Variants in SAMD7 observed in about 807,000 individuals in gnomAD.
SAMD7 encodes sterile alpha motif domain-containing protein 7.
Under a neutral mutation model 36.7 loss-of-function variants are expected in SAMD7, and 34 were observed. That is an observed-to-expected ratio of 0.93 (90% CI 0.71 to 1.23). The LOEUF is 1.23. SAMD7 is among the 50% of genes most tolerant of loss of function. SAMD7 has a pLI of 0.00. For missense variants in SAMD7, 570 were observed against 546.6 expected (o/e 1.04, Z -0.43); for synonymous variants, 188 against 189.7 (o/e 0.99, Z 0.07).
Position 169,927,166 on chromosome 3 carries a change from C to G in SAMD7, c.904C>G (p.Arg302Gly). The change falls in exon 6 of 9, where the codon CGA (arginine) becomes GGA (glycine). Residue 302 changes from arginine to glycine, a missense_variant. By Grantham distance (125) the Arg-to-Gly change is moderately radical (BLOSUM62 -2). Transcript: ENST00000335556. The stretch of plus-strand genomic sequence containing the variant: ...GAATGGGGTTTGCCCTCCAGTTCCT[C>G]GACCATCTCTGCCAGGTGGGTGTCC... ...EKNGVCPPVP[R>G]PSLPGTHALV... 2 of 1,529,634 alleles carry G rather than the reference C, an allele frequency of 1.3e-6. No individual in the cohort carries two copies. The highest frequency in any genetic ancestry group is 1.7e-6 in the Non-Finnish European group (2 of 1,143,448). 94.8% of individuals were successfully genotyped at this position (1,529,634 alleles called of 1,614,324 possible).
Position 169,920,795 on chromosome 3 carries a change from G to A in SAMD7, c.87-419G>A, listed in dbSNP as rs138388269. On this transcript the variant is annotated intron_variant, in intron 3 of 8. Coordinates refer to ENST00000335556, the MANE Select transcript of SAMD7 (RefSeq NM_001304366.2). ...AGTGGAACTTCTAGAGACCACTAAA[G>A]TTTAGAAAAATAAGTTGTCCACCCA... Among the ~76,000 whole-genome samples, 514 of 152,226 alleles carry A rather than the reference G, an allele frequency of 3.4e-3. 5 individuals carry two copies. Among genetic ancestry groups the A allele is most frequent in the African/African-American group, 0.012 (494 of 41,542 alleles).
chr3:169,913,786 C>A (rs1712694290), intron 1 of SAMD7, among the ~76,000 whole-genome samples: 1 of 152,038 alleles, frequency 6.6e-6, no homozygotes, highest in African/African-American at 2.4e-5. Flanking sequence ...AAAGGGGTGC[C>A]CTGAAAATAT....
intron 1 of SAMD7, among the ~76,000 whole-genome samples, chr3:169,913,992 G>C (rs752342956): frequency 6.6e-6 from 1 of 152,140 alleles, no homozygotes; most frequent in Non-Finnish European, 1.5e-5. Context: ...AGCAAATAGG[G>C]CAGTGCAACT....
intron 6 of SAMD7, 145 bp downstream of exon 6, chr3:169,927,326 G>C (rs1478248014): frequency 1.7e-6 from 1 of 595,692 alleles, no homozygotes; most frequent in Non-Finnish European, 2.4e-6. Flanking sequence ...ACGGAGTCCC[G>C]CTCAGTCGCC....
intron 5 of SAMD7, among the ~76,000 whole-genome samples, chr3:169,925,744 C>G (rs1259801975): frequency 1.3e-5 from 2 of 152,058 alleles, no homozygotes; most frequent in Non-Finnish European, 2.9e-5. Flanking sequence ...AAAAAGAAAT[C>G]ACACAGTGAA....
Position 169,911,572 on chromosome 3 carries a change from G to T in SAMD7, c.-366G>T, listed in dbSNP as rs1712604143. ...ATGCACCTTGCAGGGCACTTTCCTT[G>T]GGCTTAACATCTTTTAGCCTATCTG... On this transcript the variant is annotated 5_prime_UTR_variant, in exon 1 of 9. Coordinates refer to ENST00000335556, the MANE Select transcript of SAMD7 (RefSeq NM_001304366.2). 1 of 152,198 alleles carries T rather than the reference G, an allele frequency of 6.6e-6. No homozygotes were observed. The highest frequency in any genetic ancestry group is 1.5e-5 in the Non-Finnish European group (1 of 68,042). The allele number at this position is 152,198 out of a possible 1,614,324, so 9.4% of individuals were successfully genotyped here.
chr3:169,936,296 A>G (rs762418213), intron 7 of SAMD7, 43 bp from the exon 8 acceptor site: 6 of 1,286,228 alleles, frequency 4.7e-6, no homozygotes, highest in Non-Finnish European at 6.7e-6. Flanking sequence ...CTTTTTCAAA[A>G]AAAGACATTC....
intron 5 of SAMD7, 67 bp from the exon 6 acceptor site, chr3:169,926,485 AG>A (rs1713260705): frequency 2.1e-6 from 3 of 1,450,686 alleles, no homozygotes; most frequent in Non-Finnish European, 2.8e-6. Flanking sequence ...AGGGAAGACA[AG>A]GGGTCATTAA....
chr3:169,933,146 G>A lies in SAMD7; in HGVS notation c.1042-3193G>A. ...TGGACGCCATGGACCAGTGGCTCCT[G>A]AGTGTCCTGGCCACCGTGGAGCAGT... is the stretch of plus-strand genomic sequence containing the variant. On this transcript the variant is annotated intron_variant, in intron 7 of 8. Transcript: ENST00000335556. 9.2e-6 allele frequency: 7 copies of A among 763,204 alleles called. No individual in the cohort carries two copies. The South Asian group carries it at 9.4e-5, about 10-fold the overall frequency. The allele number at this position is 763,204 out of a possible 1,614,324, so 47.3% of individuals were successfully genotyped here.
At chr3:169,936,059 G>A (rs189694847) in intron 7 of SAMD7, among the ~76,000 whole-genome samples, 4 of 152,156 alleles carry the variant, frequency 2.6e-5, no homozygotes, top group Admixed American at 2.6e-4. Flanking sequence ...GGGTACATTG[G>A]TCAAAAAAAC....
intron 7 of SAMD7, among the ~76,000 whole-genome samples, chr3:169,935,273 A>G (rs571608133): frequency 1.3e-5 from 2 of 152,236 alleles, no homozygotes; most frequent in Non-Finnish European, 2.9e-5. Context: ...TTAAATCCCA[A>G]TGGGAAAGAG....
chr3:169,915,902 C>A lies in SAMD7; in HGVS notation c.-42+461C>A, dbSNP rs115687624. On this transcript the variant is annotated intron_variant, in intron 2 of 8. Transcript: ENST00000335556. ...CTGAGCCCTATATTTTTAAAAATAC[C>A]CTTATTGAGGAAAATTTGATATAAA... Among the ~76,000 whole-genome samples the A allele has an allele frequency of 5.7e-3, 864 of 151,902 alleles. 6 individuals are homozygous for A. Among genetic ancestry groups the A allele is most frequent in the African/African-American group, 0.019 (797 of 41,434 alleles).
At chr3:169,919,837 G>A (rs1240380115) in intron 3 of SAMD7, among the ~76,000 whole-genome samples, 2 of 152,194 alleles carry the variant, frequency 1.3e-5, no homozygotes, top group African/African-American at 4.8e-5. Context: ...GCATTGTGCA[G>A]GTGCAAACAC....
chr3:169,924,946 TTTG>T, intron 4 of SAMD7, 109 bp from the exon 5 acceptor site: 1 of 710,302 alleles, frequency 1.4e-6, no homozygotes. Flanking sequence ...CAATTGCTGG[TTTG>T]TTTTTTTTTT....
intron 6 of SAMD7, among the ~76,000 whole-genome samples, chr3:169,927,546 C>G (rs559316896): frequency 1.8e-4 from 28 of 152,144 alleles, no homozygotes; most frequent in Non-Finnish European, 3.2e-4. Context: ...CCGCCCGCCT[C>G]GGCCTCCCAA....
chr3:169,921,416 T>C, intron 4 of SAMD7, 78 bp downstream of exon 4: 2 of 1,464,084 alleles, frequency 1.4e-6, no homozygotes, highest in South Asian at 2.4e-5. Flanking sequence ...GCCATCAAAT[T>C]ACTCCTAAAT....
Position 169,925,132 on chromosome 3 carries a change from GC to G in SAMD7, c.288del (p.Arg97GlyfsTer23), listed in dbSNP as rs1214981525. On this transcript the variant is annotated frameshift_variant, in exon 5 of 9. Transcript: ENST00000335556. LOFTEE classifies it high-confidence loss of function. ...TGAAATGATTCAACGGCATCATACT[GC>G]CAGGTAATTTGGCAATGTTGTTTTA... ...RNEMIQRHHT[A>X]RTEMEMYAIY... is the part of the protein sequence containing the mutation. The G allele has an allele frequency of 2.5e-6, 4 of 1,601,152 alleles. No individual in the cohort carries two copies. The highest frequency in any genetic ancestry group is 3.4e-6 in the Non-Finnish European group (4 of 1,172,334).
chr3:169,923,809 C>T (rs1559950411), intron 4 of SAMD7, among the ~76,000 whole-genome samples: 1 of 152,172 alleles, frequency 6.6e-6, no homozygotes, highest in Non-Finnish European at 1.5e-5. Context: ...AACTGAGCTA[C>T]TAAGTAAGTT....
chr3:169,913,420 C>CTAAA (rs899029543), intron 1 of SAMD7, among the ~76,000 whole-genome samples: 42 of 152,266 alleles, frequency 2.8e-4, no homozygotes, highest in African/African-American at 9.6e-4. Flanking sequence ...TTGGCAAGGG[C>CTAAA]TTTAGTTCAT....
Sources: gnomAD v4.1 joint callset for allele counts (sites outside exome capture counted in the v4.1 genomes callset) on GRCh38, gnomAD v4.1.1 for gene constraint, MANE v1.5 for transcripts, NCBI Gene and HGNC (gene_info 2026-07-23, HGNC 2026-07-21) for gene names.